Variants in PDE8B observed in about 807,000 individuals in gnomAD.
The protein encoded by PDE8B is high affinity cAMP-specific and IBMX-insensitive 3',5'-cyclic phosphodiesterase 8B.
Under a neutral mutation model 101.3 loss-of-function variants are expected in PDE8B, and 26 were observed. That is an observed-to-expected ratio of 0.26 (90% CI 0.19 to 0.36). PDE8B has a LOEUF of 0.36. Ranked by LOEUF, PDE8B falls within the 10% of genes least tolerant of loss-of-function variation. The pLI is 1.00. For synonymous variants in PDE8B, 424 were observed against 429.3 expected (o/e 0.99, Z 0.15); for missense variants, 810 against 1,163.1 (o/e 0.70, Z 4.42).
chr5:77,320,298 G>T (rs576399171), intron 2 of PDE8B, among the ~76,000 whole-genome samples: 6 of 152,296 alleles, frequency 3.9e-5, no homozygotes, highest in Admixed American at 3.9e-4. Context: ...ATTCTACTAT[G>T]CAAAGTGAGG....
intron 10 of PDE8B, among the ~76,000 whole-genome samples, chr5:77,392,549 A>T (rs566772522): frequency 6.6e-6 from 1 of 152,304 alleles, no homozygotes; most frequent in Admixed American, 6.5e-5. Flanking sequence ...TACAGTAGGT[A>T]TGTGCTTTTA....
At chr5:77,348,445 TGCTG>T (rs543191927) in intron 7 of PDE8B, among the ~76,000 whole-genome samples, 1 of 152,140 alleles carries the variant, frequency 6.6e-6, no homozygotes, top group Non-Finnish European at 1.5e-5. Flanking sequence ...CCTCTGAGTC[TGCTG>T]GCCCCAGAAT....
the PDE8B span, among the ~76,000 whole-genome samples, chr5:77,166,226 T>A: frequency 0.018 from 2,123 of 115,624 alleles, no homozygotes; most frequent in Middle Eastern, 0.023. Flanking sequence ...TCGGTAAAGA[T>A]AAAAAAAAAA....
intron 3 of PDE8B, among the ~76,000 whole-genome samples, chr5:77,328,343 G>C (rs750273456): frequency 2.7e-5 from 4 of 150,792 alleles, no homozygotes; most frequent in Non-Finnish European, 4.4e-5. Context: ...TAATTCCTAG[G>C]GAATAAACTA....
intron 4 of PDE8B, among the ~76,000 whole-genome samples, chr5:77,330,292 C>G (rs1178246947): frequency 1.3e-5 from 2 of 152,182 alleles, no homozygotes; most frequent in South Asian, 2.1e-4. Flanking sequence ...ACAAAATACT[C>G]TTGTTTTTCT....
At chr5:77,232,196 C>T (rs772617235) in intron 1 of PDE8B, among the ~76,000 whole-genome samples, 11 of 152,220 alleles carry the variant, frequency 7.2e-5, no homozygotes, top group Non-Finnish European at 1.0e-4. Flanking sequence ...ATTTAAAAAA[C>T]GTTCCTCAGT....
the PDE8B span, among the ~76,000 whole-genome samples, chr5:77,182,270 A>G: frequency 6.6e-6 from 1 of 151,634 alleles, no homozygotes; most frequent in Non-Finnish European, 1.5e-5. Context: ...GCGTTTATGG[A>G]CGGAAGAGAT....
intron 10 of PDE8B, among the ~76,000 whole-genome samples, chr5:77,357,079 G>A (rs539071024): frequency 2.0e-5 from 3 of 152,324 alleles, no homozygotes; most frequent in Admixed American, 6.5e-5. Flanking sequence ...TGTCTTTGCG[G>A]GGAGATGCAG....
the PDE8B span, among the ~76,000 whole-genome samples, chr5:77,137,215 A>G: frequency 6.6e-6 from 1 of 152,208 alleles, no homozygotes; most frequent in Non-Finnish European, 1.5e-5. Context: ...AAAGTCTTCC[A>G]GGTTATTTTC....
chr5:77,166,656 A>G, the PDE8B span: 2 of 152,146 alleles, frequency 1.3e-5, no homozygotes, highest in Non-Finnish European at 2.9e-5. Context: ...CTATTTTTAT[A>G]TATTTTTCTA....
intron 7 of PDE8B, among the ~76,000 whole-genome samples, chr5:77,346,218 C>T (rs570774310): frequency 6.6e-6 from 1 of 152,318 alleles, no homozygotes; most frequent in African/African-American, 2.4e-5. Flanking sequence ...CTGAAGGCTT[C>T]CTCATGATGC....
the PDE8B span, chr5:77,104,962 C>T: frequency 6.6e-6 from 1 of 152,184 alleles, no homozygotes; most frequent in Admixed American, 6.5e-5. Flanking sequence ...CAGTAAATCT[C>T]CCCTTCTCCC....
At chr5:77,407,263 T>TTTA in intron 12 of PDE8B, 118 bp from the exon 13 acceptor site, 1 of 794,942 alleles carries the variant, frequency 1.3e-6, no homozygotes. Flanking sequence ...TTCATGGCTT[T>TTTA]TTAGGTGGGA....
the PDE8B span, among the ~76,000 whole-genome samples, chr5:77,149,185 G>A: frequency 1.3e-5 from 2 of 152,112 alleles, no homozygotes; most frequent in Admixed American, 6.5e-5. Context: ...ATAAATGCAA[G>A]CGTTTATATC....
chr5:77,172,951 T>C, the PDE8B span, among the ~76,000 whole-genome samples: 3 of 152,260 alleles, frequency 2.0e-5, no homozygotes, highest in African/African-American at 7.2e-5. Context: ...CATATTTCTT[T>C]GATTTGGATG....
chr5:77,183,151 G>T, the PDE8B span, among the ~76,000 whole-genome samples: 1 of 149,260 alleles, frequency 6.7e-6, no homozygotes, highest in Non-Finnish European at 1.5e-5. Flanking sequence ...ACAGAGTCTT[G>T]CTCTGTTGTC....
At chr5:77,145,346 A>G in the PDE8B span, 2 of 152,240 alleles carry the variant, frequency 1.3e-5, no homozygotes, top group Non-Finnish European at 2.9e-5. Context: ...AAAGGAATCA[A>G]AGATGATTCT....
At position 77,250,868 on chromosome 5, in the gene PDE8B, A is replaced by T. The variant is rs182898265; in HGVS notation, c.339+39604A>T. Among the ~76,000 whole-genome samples, 202 of 152,360 alleles carry T rather than the reference A, an allele frequency of 1.3e-3. 1 individual carries two copies. The highest frequency in any genetic ancestry group is 4.7e-3 in the African/African-American group (194 of 41,584). ...AGGCTACTCCAGGAGACATAGCATG[A>T]TTCTGCAAGTGCATTTTGGCTGAAC... On this transcript the variant is annotated intron_variant, in intron 1 of 21. Transcript: ENST00000264917.
chr5:77,230,942 T>G (rs1053237161), intron 1 of PDE8B, among the ~76,000 whole-genome samples: 1 of 152,234 alleles, frequency 6.6e-6, no homozygotes, highest in African/African-American at 2.4e-5. Context: ...TGTTCAGACC[T>G]CTCAATAAGA....
Sources: allele counts gnomAD v4.1 joint callset (sites outside exome capture counted in the v4.1 genomes callset), GRCh38; gene constraint gnomAD v4.1.1; transcripts MANE v1.5; gene names NCBI Gene and HGNC (gene_info 2026-07-23, HGNC 2026-07-21).